CAPN11: variants seen among roughly 807,000 people sequenced by gnomAD.
The protein encoded by CAPN11 is calpain 11.
A neutral mutation model predicts 105.3 loss-of-function variants in CAPN11; 108 were observed. The observed-to-expected ratio is 1.03, with a 90% CI of 0.88 to 1.20. The LOEUF (loss-of-function observed/expected upper bound fraction) is 1.20, where lower values mean the gene tolerates loss of function less well. Ranked by LOEUF, CAPN11 falls within the 50% of genes most tolerant of loss-of-function variation. The pLI, the probability that CAPN11 is intolerant of heterozygous loss-of-function variation, is 0.00. For synonymous variants in CAPN11, 329 were observed against 344.5 expected (o/e 0.96, Z 0.50); for missense variants, 883 against 924.8 (o/e 0.95, Z 0.59).
intron 20 of CAPN11, 49 bp downstream of exon 20, chr6:44,183,068 T>C (rs745607305): frequency 1.3e-6 from 2 of 1,594,808 alleles, no homozygotes; most frequent in South Asian, 2.2e-5. Context: ...AGGATGGCAG[T>C]GTCCAGAGGC....
In CAPN11 at chr6:44,172,042, G is replaced by C. The variant is rs540640823; in HGVS notation, c.410-260G>C. Among the ~76,000 whole-genome samples the C allele has an allele frequency of 2.0e-4, 30 of 152,238 alleles. 1 individual carries two copies. The highest frequency in any genetic ancestry group is 6.3e-4 in the African/African-American group (26 of 41,540). ...GATCATGCTATTGCACTCCAGCCTGGGTGACACAGCAAGACACTGACTCAA... is the reference window on the plus strand; with the variant it reads ...GATCATGCTATTGCACTCCAGCCTGCGTGACACAGCAAGACACTGACTCAA... On this transcript the variant is annotated intron_variant, in intron 4 of 22. Coordinates refer to ENST00000398776, the MANE Select transcript of CAPN11 (RefSeq NM_007058.4).
intron 14 of CAPN11, 131 bp from the exon 15 acceptor site, chr6:44,180,329 G>C (rs979528975): frequency 6.3e-6 from 6 of 954,064 alleles, no homozygotes; most frequent in South Asian, 1.5e-5. Flanking sequence ...ACCAGAACTA[G>C]AACTAGAACC....
At chr6:44,173,619 G>A (rs1403553601) in intron 7 of CAPN11, among the ~76,000 whole-genome samples, 1 of 149,340 alleles carries the variant, frequency 6.7e-6, no homozygotes, top group East Asian at 1.9e-4. Context: ...GTCTCATTCT[G>A]TCTCCCAGGC....
At position 44,169,387 on chromosome 6, in the gene CAPN11, C is replaced by A. The variant is rs1471675895; in HGVS notation, c.195C>A (p.Ser65Arg). The A allele has an allele frequency of 3.1e-6, 5 of 1,614,030 alleles. No homozygotes were observed. Among genetic ancestry groups the A allele is most frequent in the Middle Eastern group, 1.7e-4 (1 of 6,060 alleles). ...ACGCCCAGAACTTTGGTAACCAGAG[C>A]TTTGAGGAGCTGCGAGCAGCCTGTC... Reference protein sequence around the residue: ...HDNAQNFGNQSFEELRAACLR... With the variant: ...HDNAQNFGNQRFEELRAACLR... Residue 65 changes from serine to arginine, a missense_variant, in exon 3 of 23, where the codon AGC (serine) becomes AGA (arginine). Coordinates refer to ENST00000398776, the MANE Select transcript of CAPN11 (RefSeq NM_007058.4).
rs760374606 is a variant in CAPN11 at position 44,181,238 on chromosome 6, T to C, written c.1870-14T>C. The C allele has an allele frequency of 4.3e-6, 7 of 1,613,158 alleles. No homozygotes were observed. The highest frequency in any genetic ancestry group is 5.1e-6 in the Non-Finnish European group (6 of 1,179,374). On this transcript the variant is annotated splice_polypyrimidine_tract_variant and intron_variant, in intron 18 of 22. Transcript: ENST00000398776. Reference sequence around the variant, plus strand: ...TTCTTCACTCCTTCTCTGCTGTCCTTGACCACCTTCCAGAAAGATGGCTCT... The same window carrying C: ...TTCTTCACTCCTTCTCTGCTGTCCTCGACCACCTTCCAGAAAGATGGCTCT...
intron 12 of CAPN11, among the ~76,000 whole-genome samples, chr6:44,177,777 A>G (rs1772374932): frequency 6.6e-6 from 1 of 151,732 alleles, no homozygotes. Context: ...GTGAGCCACC[A>G]CACCCGGCTG....
chr6:44,173,269 T>A lies in CAPN11; in HGVS notation c.714T>A (p.Leu238=). ...ALSGGSTMEG[L]EDFTGGVAQS... ...CAGGGGGCAGTACCATGGAGGGCCT[T>A]GAGGACTTCACAGGAGGCGTGGCCC... Residue 238 remains leucine, a synonymous_variant, in exon 7 of 23, where the codon CTT becomes CTA. Transcript: ENST00000398776. The A allele has an allele frequency of 6.2e-7, 1 of 1,613,922 alleles. No individual in the cohort carries two copies. The highest frequency in any genetic ancestry group is 8.5e-7 in the Non-Finnish European group (1 of 1,179,860).
At position 44,166,845 on chromosome 6, in the gene CAPN11, C is replaced by G. The variant is rs989259470; in HGVS notation, c.88+16C>G. 4 of 1,523,286 alleles carry G rather than the reference C, an allele frequency of 2.6e-6. No homozygotes were observed. Among genetic ancestry groups the G allele is most frequent in the African/African-American group, 2.8e-5 (2 of 72,162 alleles). The allele number at this position is 1,523,286 out of a possible 1,614,324, so 94.4% of individuals were successfully genotyped here. A position where few individuals can be genotyped will look rare whatever the true frequency, so the allele number is the denominator to read the frequency against. On this transcript the variant is annotated intron_variant, in intron 2 of 22. Transcript: ENST00000398776. ...TCATGTGCGGGTAGGACTGCAGACC[C>G]GTCGTGGCTCTGTGGCCTCCCTTTT...
At chr6:44,181,200 C>T in intron 18 of CAPN11, 52 bp from the exon 19 acceptor site, 3 of 1,539,384 alleles carry the variant, frequency 1.9e-6, no homozygotes, top group Non-Finnish European at 2.7e-6. Flanking sequence ...GCTTCCCTAT[C>T]CCCTGGGATG....
intron 4 of CAPN11, among the ~76,000 whole-genome samples, chr6:44,170,896 G>A (rs768226898): frequency 6.6e-6 from 1 of 152,110 alleles, no homozygotes; most frequent in East Asian, 1.9e-4. Flanking sequence ...CAGATCCCTC[G>A]CTGCCTCTTT....
intron 18 of CAPN11, 28 bp downstream of exon 18, chr6:44,181,025 C>T: frequency 6.3e-7 from 1 of 1,595,028 alleles, no homozygotes; most frequent in Non-Finnish European, 8.6e-7. Flanking sequence ...GCTCTCTTGG[C>T]CCTGTCCCCT....
In CAPN11 at chr6:44,173,092, G is replaced by C. The variant is rs771109804; in HGVS notation, c.662+19G>C. On this transcript the variant is annotated intron_variant, in intron 6 of 22. Transcript: ENST00000398776. ...ATGCCAAGTGAGTGCTGGGAGCTGA[G>C]GAAGGGGGCTTGCCTTGCCTCTGTC... 3.1e-6 allele frequency: 5 copies of C among 1,611,796 alleles called. No homozygotes were observed. In the South Asian group the frequency reaches 5.5e-5, roughly 18 times the overall value.
chr6:44,179,535 C>A, intron 12 of CAPN11, 84 bp from the exon 13 acceptor site: 1 of 1,207,142 alleles, frequency 8.3e-7, no homozygotes, highest in Non-Finnish European at 1.2e-6. Context: ...CAGACACACA[C>A]TATACACATC....
rs1774199409 is a variant in CAPN11 at position 44,183,993 on chromosome 6, G to T, written c.*61G>T. ...CAGCAGCAGCGAGGTTCTAGCCCAGGAGGGTGGGGTGCTTCTTGTAGCCCT... is the reference window on the plus strand; with the variant it reads ...CAGCAGCAGCGAGGTTCTAGCCCAGTAGGGTGGGGTGCTTCTTGTAGCCCT... On this transcript the variant is annotated 3_prime_UTR_variant, in exon 23 of 23. Transcript: ENST00000398776. The T allele has an allele frequency of 1.3e-6, 2 of 1,540,394 alleles. No homozygotes were observed. The highest frequency in any genetic ancestry group is 1.4e-5 in the African/African-American group (1 of 72,828).
intron 12 of CAPN11, among the ~76,000 whole-genome samples, chr6:44,178,444 ATGT>A (rs2128310377): frequency 6.6e-6 from 1 of 152,232 alleles, no homozygotes; most frequent in Admixed American, 6.5e-5. Context: ...CTCCAAAAGA[ATGT>A]TGTTCATTCA....
chr6:44,180,479 T>C lies in CAPN11; in HGVS notation c.1660T>C (p.Tyr554His), dbSNP rs779809301. The C allele has an allele frequency of 1.9e-6, 3 of 1,613,016 alleles. No homozygotes were observed. Among genetic ancestry groups the C allele is most frequent in the Non-Finnish European group, 8.5e-7 (1 of 1,179,520 alleles). Residue 554 changes from tyrosine to histidine, a missense_variant, in exon 15 of 23, where the codon TAT becomes CAT. Physicochemically the swap from Tyr to His is moderately conservative, Grantham distance 83. Coordinates refer to ENST00000398776, the MANE Select transcript of CAPN11 (RefSeq NM_007058.4). ...SESWELDEVN[Y>H]AEQLQEEKVS... is the part of the protein sequence containing the mutation. ...GCCCAGGGAATTGGATGAAGTCAAC[T>C]ATGCTGAGCAACTCCAAGAGGTGAG...
At chr6:44,170,398 G>T (rs1306492862) in intron 4 of CAPN11, among the ~76,000 whole-genome samples, 10 of 152,190 alleles carry the variant, frequency 6.6e-5, no homozygotes, top group Admixed American at 6.5e-4. Context: ...CTCGCCTGGG[G>T]CTGGAGGGTC....
chr6:44,174,569 GAC>G (rs886509231), intron 7 of CAPN11, among the ~76,000 whole-genome samples: 1 of 108,688 alleles, frequency 9.2e-6, no homozygotes, highest in Non-Finnish European at 1.9e-5. Context: ...AAAAAAAAAA[GAC>G]AATCCCCTCC....
At position 44,160,868 on chromosome 6, in the gene CAPN11, T is replaced by C. The variant is rs182507891; in HGVS notation, c.16+2004T>C. 5.7e-3 allele frequency among the ~76,000 whole-genome samples: 870 copies of C among 152,362 alleles called. 10 individuals carry two copies. Among genetic ancestry groups the C allele is most frequent in the African/African-American group, 0.019 (770 of 41,590 alleles). Reference sequence around the variant, plus strand: ...TGTTATTGTATTGTTGTATTTGTTATATTTTATTACTTATTATGGTTAACT... The same window carrying C: ...TGTTATTGTATTGTTGTATTTGTTACATTTTATTACTTATTATGGTTAACT... On this transcript the variant is annotated intron_variant, in intron 1 of 22. Transcript: ENST00000398776.
Sources: allele counts gnomAD v4.1 joint callset (sites outside exome capture counted in the v4.1 genomes callset), GRCh38; gene constraint gnomAD v4.1.1; transcripts MANE v1.5; gene names NCBI Gene and HGNC (gene_info 2026-07-23, HGNC 2026-07-21).